MPP7: variants seen among roughly 807,000 people sequenced by gnomAD.
MPP7 encodes the protein MAGUK p55 subfamily member 7.
MPP7 carries 60 observed loss-of-function variants against 76.5 expected under a neutral mutation model. The observed-to-expected ratio is 0.78, with a 90% CI of 0.64 to 0.97. The LOEUF (loss-of-function observed/expected upper bound fraction) is 0.97, where lower values mean the gene tolerates loss of function less well. Ranked by LOEUF, MPP7 falls within the 50% of genes least tolerant of loss-of-function variation. The pLI is 0.00. For synonymous variants in MPP7, 237 were observed against 244.5 expected, an observed-to-expected ratio of 0.97 and a Z score of 0.29; for missense variants, 641 against 694.0, an observed-to-expected ratio of 0.92 and a Z score of 0.86.
chr10:28,238,771 G>C, intron 1 of MPP7, 36 bp from the exon 2 acceptor site: 1 of 629,920 alleles, frequency 1.6e-6, no homozygotes, highest in East Asian at 2.8e-5. Flanking sequence ...TTTTTAAAAA[G>C]GGACCATCAC....
intron 3 of MPP7, among the ~76,000 whole-genome samples, chr10:28,177,801 A>G (rs1317796003): frequency 2.0e-5 from 3 of 152,210 alleles, no homozygotes; most frequent in Non-Finnish European, 4.4e-5. Flanking sequence ...ATTGTTTAAA[A>G]GAGACAATTT....
intron 11 of MPP7, among the ~76,000 whole-genome samples, chr10:28,110,049 A>G (rs1200259961): frequency 6.6e-6 from 1 of 151,238 alleles, no homozygotes; most frequent in Non-Finnish European, 1.5e-5. Context: ...CAAGAAAATT[A>G]TACGAGACTT....
chr10:28,262,012 A>T (rs915179708), intron 1 of MPP7, among the ~76,000 whole-genome samples: 3 of 150,646 alleles, frequency 2.0e-5, no homozygotes, highest in Non-Finnish European at 4.4e-5. Context: ...TTAGCCGGGC[A>T]TGGTGGCGCA....
chr10:28,269,742 G>A (rs912687503), intron 1 of MPP7, among the ~76,000 whole-genome samples: 9 of 151,748 alleles, frequency 5.9e-5, no homozygotes, highest in African/African-American at 1.9e-4. Flanking sequence ...TGTCTAGGCT[G>A]GTCTCTAATT....
Position 28,080,037 on chromosome 10 carries a change from G to C in MPP7, c.1123+9634C>G, listed in dbSNP as rs1460552199. Among the ~76,000 whole-genome samples the C allele has an allele frequency of 2.2e-5, 3 of 133,808 alleles. No homozygotes were observed. The South Asian group carries it at 8.8e-4, about 39-fold the overall frequency. The allele number at this position is 133,808 out of a possible 152,430, so 87.8% of individuals were successfully genotyped here. ...AAGAATGGCTCAAACCCAGAAGGCA[G>C]AGGTTGCAGTGAGCCAAGATTGGGA... On this transcript the variant is annotated intron_variant, in intron 12 of 16. Coordinates refer to ENST00000683449, the MANE Select transcript of MPP7 (RefSeq NM_001318170.2).
chr10:28,313,408 A>G (rs1267950122), intron 2 of MPP7, among the ~76,000 whole-genome samples: 1 of 152,136 alleles, frequency 6.6e-6, no homozygotes, highest in African/African-American at 2.4e-5. Context: ...CAGGAAGCTG[A>G]GGCAGGAGAA....
At position 28,217,521 on chromosome 10, in the gene MPP7, T is replaced by G. The variant is rs201117538; in HGVS notation, c.38-15250A>C. On this transcript the variant is annotated intron_variant, in intron 2 of 16. Coordinates refer to ENST00000683449, the MANE Select transcript of MPP7 (RefSeq NM_001318170.2). ...CAGCCAGGGTGACAGAGTGAGACTC[T>G]GTCTCAAAAAAAAAAAAAAAGAAAA... Among the ~76,000 whole-genome samples the G allele has an allele frequency of 5.8e-5, 6 of 103,062 alleles. No homozygotes were observed. The East Asian group carries it at 2.0e-3, about 35-fold the overall frequency. The allele number at this position is 103,062 out of a possible 152,430, so 67.6% of individuals were successfully genotyped here. A position where few individuals can be genotyped will look rare whatever the true frequency, so the allele number is the denominator to read the frequency against.
intron 8 of MPP7, among the ~76,000 whole-genome samples, chr10:28,123,549 A>G (rs1356088960): frequency 1.3e-5 from 2 of 148,498 alleles, no homozygotes; most frequent in East Asian, 4.0e-4. Context: ...ACTCACTGCA[A>G]CCTCCATCTC....
intron 1 of MPP7, among the ~76,000 whole-genome samples, chr10:28,289,725 G>A (rs1308826219): frequency 1.3e-5 from 2 of 152,148 alleles, no homozygotes; most frequent in African/African-American, 4.8e-5. Flanking sequence ...TGGAGAAAAG[G>A]TTTTAGGGGC....
intron 14 of MPP7, 162 bp downstream of exon 14, chr10:28,059,488 T>C: frequency 1.9e-6 from 1 of 530,248 alleles, no homozygotes; most frequent in East Asian, 3.2e-5. Flanking sequence ...AGGTGAAGAT[T>C]AACAATAATT....
chr10:28,124,195 A>G, intron 7 of MPP7, 79 bp from the exon 8 acceptor site: 3 of 946,806 alleles, frequency 3.2e-6, no homozygotes, highest in Non-Finnish European at 5.1e-6. Context: ...CCATAAGTAA[A>G]GCATTGTTAG....
chr10:28,245,316 C>G (rs898309898), intron 1 of MPP7, among the ~76,000 whole-genome samples: 2 of 152,114 alleles, frequency 1.3e-5, no homozygotes, highest in Non-Finnish European at 2.9e-5. Context: ...AATTAACGTA[C>G]ATCAATATAA....
At chr10:28,171,113 G>A (rs964575629) in intron 3 of MPP7, among the ~76,000 whole-genome samples, 3 of 152,068 alleles carry the variant, frequency 2.0e-5, no homozygotes, top group African/African-American at 4.8e-5. Context: ...ATTAGGTGTC[G>A]AGTAATGTGC....
intron 11 of MPP7, among the ~76,000 whole-genome samples, chr10:28,095,110 T>G (rs1034993590): frequency 6.6e-6 from 1 of 151,590 alleles, no homozygotes; most frequent in African/African-American, 2.4e-5. Flanking sequence ...TTGGTCTTAC[T>G]TTTTACTTAC....
chr10:28,180,398 T>C (rs889766955), intron 3 of MPP7, among the ~76,000 whole-genome samples: 1 of 152,122 alleles, frequency 6.6e-6, no homozygotes, highest in Non-Finnish European at 1.5e-5. Context: ...TGCATGTCTA[T>C]CAAAGAAGAA....
chr10:28,149,120 T>A (rs192029896), intron 4 of MPP7, among the ~76,000 whole-genome samples: 1 of 152,224 alleles, frequency 6.6e-6, no homozygotes, highest in East Asian at 1.9e-4. Flanking sequence ...GCAAAGTAGT[T>A]CAAATAAAAT....
chr10:28,173,471 G>C (rs1452769519), intron 3 of MPP7, among the ~76,000 whole-genome samples: 1 of 152,160 alleles, frequency 6.6e-6, no homozygotes, highest in Non-Finnish European at 1.5e-5. Context: ...AATGTTCTAA[G>C]TGCACAATAC....
chr10:28,188,996 T>C (rs896865631), intron 3 of MPP7, among the ~76,000 whole-genome samples: 1 of 87,416 alleles, frequency 1.1e-5, no homozygotes, highest in Non-Finnish European at 2.5e-5. Flanking sequence ...AAGAAAATCA[T>C]GTAGGTCAGA....
intron 3 of MPP7, 112 bp from the exon 4 acceptor site, chr10:28,150,171 A>G (rs940913814): frequency 6.7e-6 from 5 of 742,750 alleles, no homozygotes; most frequent in African/African-American, 1.7e-5. Flanking sequence ...CTAAAGTTAT[A>G]TGTTTATGAC....
Sources: gnomAD v4.1 joint callset for allele counts (sites outside exome capture counted in the v4.1 genomes callset) on GRCh38, gnomAD v4.1.1 for gene constraint, MANE v1.5 for transcripts, NCBI Gene and HGNC (gene_info 2026-07-23, HGNC 2026-07-21) for gene names.